The following CHRD variants were observed in gnomAD, a reference collection of about 807,000 sequenced individuals.
The protein encoded by CHRD is chordin.
CHRD carries 69 observed loss-of-function variants against 113.7 expected under a neutral mutation model. The observed-to-expected ratio is 0.61, with a 90% CI of 0.50 to 0.74. The LOEUF (loss-of-function observed/expected upper bound fraction) is 0.74, where lower values mean the gene tolerates loss of function less well. CHRD is among the 30% of genes least tolerant of loss of function. CHRD has a pLI of 0.00. For missense variants in CHRD, 1,194 were observed against 1,295.8 expected, an observed-to-expected ratio of 0.92 and a Z score of 1.21; for synonymous variants, 561 against 540.8, an observed-to-expected ratio of 1.04 and a Z score of -0.52.
intron 6 of CHRD, 55 bp from the exon 7 acceptor site, chr3:184,382,334 T>C (rs1715565450): frequency 1.2e-6 from 2 of 1,600,306 alleles, no homozygotes; most frequent in East Asian, 2.2e-5. Flanking sequence ...GGCATCCTAA[T>C]TGGCCTAGCC....
In CHRD at chr3:184,384,304, C is replaced by G. The variant is rs984945879; in HGVS notation, c.1441-233C>G. Among the ~76,000 whole-genome samples, 9 of 152,128 alleles carry G rather than the reference C, an allele frequency of 5.9e-5. No homozygotes were observed. The highest frequency in any genetic ancestry group is 1.0e-4 in the Non-Finnish European group (7 of 68,022). ...ACATAGTTTTTGGCTTTCACAGTAT[C>G]CATTTGAGAGATGAGGAAGTGAAGA... On this transcript the variant is annotated intron_variant, in intron 12 of 22. Transcript: ENST00000204604. This position sits in a 1 kb window ranked among gnomAD's most constrained non-coding sequence, Gnocchi z 4.4.
In CHRD at chr3:184,388,233, A is replaced by ATCCG. The variant is rs1223850300; in HGVS notation, c.2554+204_2554+207dup. 2.5e-3 allele frequency among the ~76,000 whole-genome samples: 341 copies of ATCCG among 137,222 alleles called. No homozygotes were observed. Among genetic ancestry groups the ATCCG allele is most frequent in the Non-Finnish European group, 3.0e-3 (195 of 64,118 alleles). The allele number at this position is 137,222 out of a possible 152,430, so 90.0% of individuals were successfully genotyped here. The stretch of plus-strand genomic sequence containing the variant: ...ATGGGTTCTGGTTCCTGCTCCATCC[A>ATCCG]TCCGTCCATCCATCCATCCATCCAT... On this transcript the variant is annotated intron_variant, in intron 20 of 22. Transcript: ENST00000204604. This position sits in a 1 kb window ranked among gnomAD's most constrained non-coding sequence, Gnocchi z 6.1.
rs1715099592 is a variant in CHRD, at chr3:184,380,390, C to T, written c.72C>T (p.Ala24=). Residue 24 remains alanine (A), a synonymous_variant, in exon 1 of 23, where the codon GCC becomes GCT. Transcript: ENST00000204604. This position sits in a 1 kb window ranked among gnomAD's most constrained non-coding sequence, Gnocchi z 6.3. ...TGCTGCTGCTCGGCTCCCGGCCGGC[C>T]CGCGGCGCCGGCCCAGAGCCCCCCG... 2 of 1,343,854 alleles carry T rather than the reference C, an allele frequency of 1.5e-6. No homozygotes were observed. Among genetic ancestry groups the T allele is most frequent in the Non-Finnish European group, 1.9e-6 (2 of 1,038,274 alleles). The allele number at this position is 1,343,854 out of a possible 1,614,324, so 83.2% of individuals were successfully genotyped here.
rs1716461159 is a variant in CHRD, at chr3:184,387,172, G to A, written c.2347+65G>A. 5 of 1,470,892 alleles carry A rather than the reference G, an allele frequency of 3.4e-6. No homozygotes were observed. Among genetic ancestry groups the A allele is most frequent in the Non-Finnish European group, 4.8e-6 (5 of 1,050,736 alleles). The allele number at this position is 1,470,892 out of a possible 1,614,324, so 91.1% of individuals were successfully genotyped here. ...GGAGCCATTAGGTTGAACCAGGAGGGGGACAAGAAGGGGAGAGTATATAGG... is the reference window on the plus strand; with the variant it reads ...GGAGCCATTAGGTTGAACCAGGAGGAGGACAAGAAGGGGAGAGTATATAGG... On this transcript the variant is annotated intron_variant, in intron 18 of 22. Transcript: ENST00000204604. The surrounding 1 kb of genome is among the most constrained non-coding windows in gnomAD (Gnocchi z 6.1).
rs752070622 is a variant in CHRD at position 184,384,958 on chromosome 3, G to A, written c.1598-60G>A. On this transcript the variant is annotated intron_variant, in intron 13 of 22. Transcript: ENST00000204604. The surrounding 1 kb of genome is among the most constrained non-coding windows in gnomAD (Gnocchi z 4.4). ...TGTGCTGGGGAGCTGGGAATGCTGG[G>A]TTTGAGGGCTTGCCCTAGGCCACCT... 13 of 1,545,922 alleles carry A rather than the reference G, an allele frequency of 8.4e-6. No individual in the cohort carries two copies. Among genetic ancestry groups the A allele is most frequent in the Non-Finnish European group, 1.1e-5 (12 of 1,124,454 alleles).
exon 15 of CHRD, chr3:184,386,110 C>T: frequency 5.0e-6 from 8 of 1,614,206 alleles, no homozygotes; most frequent in Non-Finnish European, 6.8e-6. Flanking sequence ...GGCATGGCCT[C>T]CCTGATGATC....
exon 23 of CHRD, chr3:184,389,438 C>T: frequency 1.2e-6 from 2 of 1,611,378 alleles, no homozygotes; most frequent in Non-Finnish European, 1.7e-6. Flanking sequence ...AGCCAGAGGG[C>T]CAAGTGACCA....
chr3:184,389,068 A>C, intron 22 of CHRD, 73 bp downstream of exon 22: 4 of 1,080,754 alleles, frequency 3.7e-6, no homozygotes, highest in Non-Finnish European at 5.5e-6. Context: ...TGATCAGGGA[A>C]GGGAGCACTC....
chr3:184,388,844 G>A lies in CHRD; in HGVS notation c.2710-49G>A. The A allele has an allele frequency of 6.2e-7, 1 of 1,605,378 alleles. No homozygotes were observed. ...CCCTGAAGAAGCTGAAGGTCACTGT[G>A]TCCCAGTGCCTCTGGGGGACACTCA... On this transcript the variant is annotated intron_variant, in intron 21 of 22. Transcript: ENST00000204604. The surrounding 1 kb of genome is among the most constrained non-coding windows in gnomAD (Gnocchi z 6.1).
chr3:184,380,659 G>C lies in CHRD; in HGVS notation c.149-33G>C. 6.6e-7 allele frequency: 1 copy of C among 1,524,190 alleles called. No homozygotes were observed. Among genetic ancestry groups the C allele is most frequent in the Non-Finnish European group, 8.8e-7 (1 of 1,139,810 alleles). The allele number at this position is 1,524,190 out of a possible 1,614,324, so 94.4% of individuals were successfully genotyped here. A position where few individuals can be genotyped will look rare whatever the true frequency, so the allele number is the denominator to read the frequency against. On this transcript the variant is annotated intron_variant, in intron 1 of 22. Transcript: ENST00000204604. The surrounding 1 kb of genome is among the most constrained non-coding windows in gnomAD (Gnocchi z 6.3). Reference sequence around the variant, plus strand: ...CCGGGGCGGCACACGGCGCGAGCTGGGCAGCGGCCTCCAGCCAAGCCCGTC... The same window carrying C: ...CCGGGGCGGCACACGGCGCGAGCTGCGCAGCGGCCTCCAGCCAAGCCCGTC...
At position 184,384,133 on chromosome 3, in the gene CHRD, G is replaced by A. The variant is rs1455451921; in HGVS notation, c.1441-404G>A. ...GACTAGAGTACAAAGCAAATCATAT[G>A]TGGCCCCTGTGCTTAGCAAGCTCAC... On this transcript the variant is annotated intron_variant, in intron 12 of 22. Coordinates refer to ENST00000204604, the Ensembl canonical transcript of CHRD. This position sits in a 1 kb window ranked among gnomAD's most constrained non-coding sequence, Gnocchi z 4.4. 1.3e-5 allele frequency among the ~76,000 whole-genome samples: 2 copies of A among 152,170 alleles called. No homozygotes were observed. The highest frequency in any genetic ancestry group is 2.9e-5 in the Non-Finnish European group (2 of 68,038).
In CHRD at chr3:184,381,780, G is replaced by T; in HGVS notation, c.576G>T (p.Leu192=). 2 of 1,613,276 alleles carry T rather than the reference G, an allele frequency of 1.2e-6. No homozygotes were observed. Among genetic ancestry groups the T allele is most frequent in the Non-Finnish European group, 1.7e-6 (2 of 1,179,946 alleles). Residue 192 remains leucine (L), a synonymous_variant, in exon 5 of 23, where the codon CTG becomes CTT. Coordinates refer to ENST00000204604, the Ensembl canonical transcript of CHRD. The surrounding 1 kb of genome is among the most constrained non-coding windows in gnomAD (Gnocchi z 4.7). Reference sequence around the variant, plus strand: ...TGGCACGAGCCCGAGTCTCGCTGCTGCGCTCTAGCCTCCGCTTCTCTATCT... The same window carrying T: ...TGGCACGAGCCCGAGTCTCGCTGCTTCGCTCTAGCCTCCGCTTCTCTATCT...
chr3:184,383,391 G>C (rs761925797), exon 11 of CHRD: 13 of 1,614,042 alleles, frequency 8.1e-6, no homozygotes, highest in Non-Finnish European at 1.1e-5. Context: ...GCCTCACGCT[G>C]CTAGGAAATG....
exon 12 of CHRD, chr3:184,383,620 G>A (rs989124574): frequency 3.1e-6 from 5 of 1,612,842 alleles, no homozygotes; most frequent in African/African-American, 1.3e-5. Context: ...CACATGGCTG[G>A]ACTCCAGCCA....
intron 10 of CHRD, 54 bp from the exon 11 acceptor site, chr3:184,383,258 G>A: frequency 6.3e-7 from 1 of 1,593,462 alleles, no homozygotes; most frequent in East Asian, 2.2e-5. Flanking sequence ...TGTGGACTGG[G>A]GGTGTAAGCG....
rs776496708 is a variant in CHRD at position 184,388,990 on chromosome 3, G to A, written c.2807G>A (p.Arg936Gln). The A allele has an allele frequency of 1.3e-5, 21 of 1,608,450 alleles. No homozygotes were observed. The highest frequency in any genetic ancestry group is 1.2e-4 in the Admixed American group (7 of 59,972). Residue 936 changes from arginine to glutamine, a missense_variant, in exon 22 of 23, where the codon CGG becomes CAG. Physicochemically the swap from Arg to Gln is conservative, Grantham distance 43 (BLOSUM62 1). Transcript: ENST00000204604. The surrounding 1 kb of genome is among the most constrained non-coding windows in gnomAD (Gnocchi z 6.1). The stretch of plus-strand genomic sequence containing the variant: ...TGCTGTTCCCGCTGCACGGCCCACC[G>A]GCGGCGTAAGTGAGGGAGTCCAGGG...
rs770684361 is a variant in CHRD, at chr3:184,388,712, G to A, written c.2680G>A (p.Glu894Lys). The A allele has an allele frequency of 6.2e-7, 1 of 1,614,102 alleles. No individual in the cohort carries two copies. The highest frequency in any genetic ancestry group is 8.5e-7 in the Non-Finnish European group (1 of 1,180,040). ...GCACCCCTCAGTGCCCCCTTTTGGAGAGATGAGCTGTATCACCTGCAGATG... is the reference window on the plus strand; with the variant it reads ...GCACCCCTCAGTGCCCCCTTTTGGAAAGATGAGCTGTATCACCTGCAGATG... The change falls in exon 21 of 23, where the codon GAG becomes AAG. Residue 894 changes from glutamate to lysine, a missense_variant. Coordinates refer to ENST00000204604, the Ensembl canonical transcript of CHRD. This position sits in a 1 kb window ranked among gnomAD's most constrained non-coding sequence, Gnocchi z 6.1.
At position 184,387,771 on chromosome 3, in the gene CHRD, G is replaced by T. The variant is rs1026752801; in HGVS notation, c.2452-160G>T. Among the ~76,000 whole-genome samples the T allele has an allele frequency of 6.6e-6, 1 of 152,172 alleles. No individual in the cohort carries two copies. The highest frequency in any genetic ancestry group is 2.4e-5 in the African/African-American group (1 of 41,442). ...AGATATGATGGCACCTACCTTGCAG[G>T]GTTCTGATGAGGAGCTGAGTTTAGG... On this transcript the variant is annotated intron_variant, in intron 19 of 22. Coordinates refer to ENST00000204604, the Ensembl canonical transcript of CHRD. The surrounding 1 kb of genome is among the most constrained non-coding windows in gnomAD (Gnocchi z 6.1).
Position 184,387,241 on chromosome 3 carries a change from C to A in CHRD, c.2348-133C>A. 1.6e-6 allele frequency: 2 copies of A among 1,260,700 alleles called. No homozygotes were observed. Among genetic ancestry groups the A allele is most frequent in the Non-Finnish European group, 2.3e-6 (2 of 884,442 alleles). The allele number at this position is 1,260,700 out of a possible 1,614,324, so 78.1% of individuals were successfully genotyped here. ...AGATTCCAAGTGATGCCTGACAGGA[C>A]TCATTAGTGTTACTGGCCCCCAGGT... On this transcript the variant is annotated intron_variant, in intron 18 of 22. Coordinates refer to ENST00000204604, the Ensembl canonical transcript of CHRD. The surrounding 1 kb of genome is among the most constrained non-coding windows in gnomAD (Gnocchi z 6.1).
Sources: gnomAD v4.1 joint callset for allele counts (sites outside exome capture counted in the v4.1 genomes callset) on GRCh38, gnomAD v4.1.1 for gene constraint, Gnocchi (gnomAD v3.1) non-coding constraint, MANE v1.5 for transcripts, NCBI Gene and HGNC (gene_info 2026-07-23, HGNC 2026-07-21) for gene names.